Variants in TSHZ2 observed in about 807,000 individuals in gnomAD.
TSHZ2 encodes teashirt zinc finger homeobox 2.
TSHZ2 carries 21 observed loss-of-function variants against 74.4 expected under a neutral mutation model. That is an observed-to-expected ratio of 0.28 (90% CI 0.20 to 0.41). The LOEUF (loss-of-function observed/expected upper bound fraction) is 0.41, where lower values mean the gene tolerates loss of function less well. TSHZ2 is among the 10% of genes least tolerant of loss of function. TSHZ2 has a pLI of 1.00. For synonymous variants in TSHZ2, 540 were observed against 515.3 expected (o/e 1.05, Z -0.65); for missense variants, 1,244 against 1,293.5 (o/e 0.96, Z 0.59).
intron 2 of TSHZ2, among the ~76,000 whole-genome samples, chr20:53,352,232 C>CTTT (rs142220716): frequency 2.4e-4 from 14 of 57,868 alleles, no homozygotes; most frequent in Admixed American, 6.3e-4. Context: ...CTCCTAAGCT[C>CTTT]TTTTTTTTTT....
intron 2 of TSHZ2, among the ~76,000 whole-genome samples, chr20:53,279,789 G>T (rs1336430419): frequency 6.6e-6 from 1 of 152,206 alleles, no homozygotes; most frequent in Admixed American, 6.5e-5. Flanking sequence ...TATGGGCCTG[G>T]GTAGCAGTGG....
At chr20:53,279,732 A>T (rs1375113599) in intron 2 of TSHZ2, among the ~76,000 whole-genome samples, 4 of 152,226 alleles carry the variant, frequency 2.6e-5, no homozygotes, top group African/African-American at 4.8e-5. Context: ...ACACAAAATT[A>T]AAAAATAAAT....
At chr20:53,446,851 A>G (rs1984571112) in intron 2 of TSHZ2, among the ~76,000 whole-genome samples, 1 of 152,198 alleles carries the variant, frequency 6.6e-6, no homozygotes, top group South Asian at 2.1e-4. Context: ...GATGAGTTCC[A>G]TTCAGGAAGA....
intron 1 of TSHZ2, among the ~76,000 whole-genome samples, chr20:53,096,347 C>T (rs375692326): frequency 9.2e-5 from 14 of 152,010 alleles, no homozygotes; most frequent in South Asian, 4.2e-4. Context: ...TTCACCATGT[C>T]GGCCAAGCTG....
chr20:53,059,884 T>C (rs1343495927), intron 1 of TSHZ2, among the ~76,000 whole-genome samples: 1 of 152,248 alleles, frequency 6.6e-6, no homozygotes, highest in Non-Finnish European at 1.5e-5. Flanking sequence ...AAATTTTTTG[T>C]TTTGCCTATT....
intron 1 of TSHZ2, among the ~76,000 whole-genome samples, chr20:53,157,043 C>G (rs373950288): frequency 6.6e-6 from 1 of 152,194 alleles, no homozygotes; most frequent in Non-Finnish European, 1.5e-5. Flanking sequence ...GCATCACATG[C>G]AAGCTTTATT....
intron 2 of TSHZ2, among the ~76,000 whole-genome samples, chr20:53,469,758 TAGAGAGGGAGGAAGGGAGGG>T (rs1985725582): frequency 6.2e-5 from 2 of 32,308 alleles, no homozygotes; most frequent in African/African-American, 2.5e-4. Flanking sequence ...CCAAGAAAGA[TAGAGAGGGAGGAAGGGAGGG>T]AGGGAGGGAG....
At chr20:53,424,687 G>T (rs995327941) in intron 2 of TSHZ2, among the ~76,000 whole-genome samples, 1 of 152,000 alleles carries the variant, frequency 6.6e-6, no homozygotes, top group Non-Finnish European at 1.5e-5. Context: ...TAAGCCCGGC[G>T]TGCATTAGCT....
At chr20:53,077,774 G>A (rs1985413380) in intron 1 of TSHZ2, among the ~76,000 whole-genome samples, 2 of 152,170 alleles carry the variant, frequency 1.3e-5, no homozygotes, top group Non-Finnish European at 2.9e-5. Context: ...AAGGAGGTTG[G>A]TGACTAATGT....
At chr20:53,340,252 G>C (rs950963502) in intron 2 of TSHZ2, among the ~76,000 whole-genome samples, 1 of 132,880 alleles carries the variant, frequency 7.5e-6, no homozygotes, top group Non-Finnish European at 1.5e-5. Flanking sequence ...GCACAATCTC[G>C]GCTCACTGCA....
At chr20:53,336,633 C>T (rs913975053) in intron 2 of TSHZ2, among the ~76,000 whole-genome samples, 1 of 152,212 alleles carries the variant, frequency 6.6e-6, no homozygotes, top group Non-Finnish European at 1.5e-5. Flanking sequence ...TCAGCCTTAG[C>T]TTCCATGTCT....
At chr20:53,127,911 A>G (rs957972270) in intron 1 of TSHZ2, among the ~76,000 whole-genome samples, 1 of 152,156 alleles carries the variant, frequency 6.6e-6, no homozygotes, top group African/African-American at 2.4e-5. Context: ...CCTCAAGACC[A>G]AGGGAAGGTC....
At chr20:53,158,201 G>A (rs918519668) in intron 1 of TSHZ2, among the ~76,000 whole-genome samples, 3 of 152,180 alleles carry the variant, frequency 2.0e-5, no homozygotes, top group Non-Finnish European at 4.4e-5. Flanking sequence ...GATGTCTGGA[G>A]CCGAATGAGG....
At chr20:53,018,202 C>T (rs545129751) in intron 1 of TSHZ2, among the ~76,000 whole-genome samples, 52 of 152,328 alleles carry the variant, frequency 3.4e-4, no homozygotes, top group African/African-American at 5.8e-4. Flanking sequence ...AGCCTCAAGA[C>T]GGCAGCTAGA....
At chr20:53,438,436 C>A (rs1352150940) in intron 2 of TSHZ2, among the ~76,000 whole-genome samples, 1 of 152,154 alleles carries the variant, frequency 6.6e-6, no homozygotes. Flanking sequence ...AAACCTCCAG[C>A]AGCCCCAAGT....
At chr20:52,989,802 C>T (rs113312848) in intron 1 of TSHZ2, among the ~76,000 whole-genome samples, 5 of 150,688 alleles carry the variant, frequency 3.3e-5, no homozygotes, top group East Asian at 3.9e-4. Context: ...ATTATTCTTT[C>T]GTATATGTTT....
intron 1 of TSHZ2, among the ~76,000 whole-genome samples, chr20:53,043,370 C>T (rs1984116266): frequency 6.6e-6 from 1 of 152,138 alleles, no homozygotes; most frequent in South Asian, 2.1e-4. Context: ...GGGTTTGCTA[C>T]TGGCATCTAT....
intron 1 of TSHZ2, among the ~76,000 whole-genome samples, chr20:53,078,448 TGGTA>T (rs1985432018): frequency 6.6e-6 from 1 of 152,184 alleles, no homozygotes; most frequent in African/African-American, 2.4e-5. Context: ...AGACATGAAA[TGGTA>T]CAAGATAAAA....
intron 2 of TSHZ2, among the ~76,000 whole-genome samples, chr20:53,280,354 T>C (rs1022766441): frequency 1.3e-5 from 2 of 152,176 alleles, no homozygotes; most frequent in Non-Finnish European, 1.5e-5. Flanking sequence ...ATCATAAAAC[T>C]CAAAAATTAC....
Sources: allele counts gnomAD v4.1 joint callset (sites outside exome capture counted in the v4.1 genomes callset), GRCh38; gene constraint gnomAD v4.1.1; transcripts MANE v1.5; gene names NCBI Gene and HGNC (gene_info 2026-07-23, HGNC 2026-07-21).